The following PDE1A variants were observed in gnomAD, a reference collection of about 807,000 sequenced individuals.
PDE1A encodes phosphodiesterase 1A.
PDE1A carries 35 observed loss-of-function variants against 61.7 expected under a neutral mutation model. The ratio of observed to expected loss-of-function variants is 0.57; its 90% CI spans 0.43 to 0.75. The LOEUF (loss-of-function observed/expected upper bound fraction) is 0.75. Among genes scored for constraint, PDE1A ranks in the 30% least tolerant of loss-of-function variants. The pLI, the probability that PDE1A is intolerant of heterozygous loss-of-function variation, is 0.00. For synonymous variants in PDE1A, 232 were observed against 213.2 expected, an observed-to-expected ratio of 1.09 and a Z score of -0.77; for missense variants, 597 against 630.6, an observed-to-expected ratio of 0.95 and a Z score of 0.57.
At chr2:182,345,382 T>G (rs1050121073) in intron 1 of PDE1A, among the ~76,000 whole-genome samples, 4 of 152,232 alleles carry the variant, frequency 2.6e-5, no homozygotes, top group African/African-American at 9.6e-5. Context: ...ACACAATTTC[T>G]TGCCTATAGT....
At chr2:182,382,304 G>A (rs532457754) in intron 1 of PDE1A, among the ~76,000 whole-genome samples, 23 of 152,298 alleles carry the variant, frequency 1.5e-4, no homozygotes, top group Admixed American at 9.1e-4. Flanking sequence ...GCTAGAGAAC[G>A]TTTTGACAAA....
chr2:182,601,536 T>G, the PDE1A span, among the ~76,000 whole-genome samples: 1 of 152,198 alleles, frequency 6.6e-6, no homozygotes, highest in Non-Finnish European at 1.5e-5. Context: ...TGCCATTTGG[T>G]GGGCCCCAAG....
downstream of PDE1A, among the ~76,000 whole-genome samples, chr2:182,145,083 C>G (rs1403872067): frequency 6.6e-6 from 1 of 152,142 alleles, no homozygotes; most frequent in Non-Finnish European, 1.5e-5. Context: ...TTTAAAAGAC[C>G]TACTTGTTTT....
At chr2:182,399,444 C>G (rs1263573800) in intron 1 of PDE1A, among the ~76,000 whole-genome samples, 1 of 151,938 alleles carries the variant, frequency 6.6e-6, no homozygotes, top group Non-Finnish European at 1.5e-5. Context: ...TTAATACATT[C>G]TACATCATGA....
At chr2:182,625,257 T>C in the PDE1A span, among the ~76,000 whole-genome samples, 2 of 152,344 alleles carry the variant, frequency 1.3e-5, no homozygotes, top group East Asian at 1.9e-4. Context: ...ATCCATTCTA[T>C]GGTATTTTGT....
At chr2:182,527,341 T>C (rs1172137095), upstream of PDE1A, among the ~76,000 whole-genome samples, 1 of 8,512 alleles carries the variant, frequency 1.2e-4, no homozygotes, top group African/African-American at 5.7e-4. Flanking sequence ...TATATATATA[T>C]ATATATATAT....
the PDE1A span, among the ~76,000 whole-genome samples, chr2:182,663,975 C>T: frequency 5.4e-3 from 824 of 152,016 alleles, 6 homozygotes; most frequent in Non-Finnish European, 8.7e-3. Flanking sequence ...TATCTGAAAC[C>T]CTTTTATATA....
chr2:182,470,552 T>A (rs1686961377), intron 2 of PDE1A, among the ~76,000 whole-genome samples: 1 of 151,844 alleles, frequency 6.6e-6, no homozygotes, highest in East Asian at 1.9e-4. Flanking sequence ...TCAATAAAGA[T>A]ATGATAACAC....
chr2:182,529,781 C>G, the PDE1A span, among the ~76,000 whole-genome samples: 1 of 152,144 alleles, frequency 6.6e-6, no homozygotes, highest in Non-Finnish European at 1.5e-5. Flanking sequence ...GTTTTATAAG[C>G]CTTTCACTTG....
chr2:182,410,305 T>G (rs941156539), intron 1 of PDE1A, among the ~76,000 whole-genome samples: 1 of 152,142 alleles, frequency 6.6e-6, no homozygotes, highest in African/African-American at 2.4e-5. Flanking sequence ...AAGTCAAGGT[T>G]GTAATGAGTC....
At chr2:182,158,943 C>T (rs1256563007) in intron 13 of PDE1A, among the ~76,000 whole-genome samples, 1 of 152,022 alleles carries the variant, frequency 6.6e-6, no homozygotes, top group Non-Finnish European at 1.5e-5. Context: ...ACATTTTTTG[C>T]ATAATTACTG....
At chr2:182,509,667 C>A (rs938950415) in intron 2 of PDE1A, among the ~76,000 whole-genome samples, 1 of 152,144 alleles carries the variant, frequency 6.6e-6, no homozygotes, top group Non-Finnish European at 1.5e-5. Flanking sequence ...AAAGTAAAAT[C>A]TTTCAGAAAG....
At chr2:182,365,882 G>A (rs928920779) in intron 1 of PDE1A, among the ~76,000 whole-genome samples, 2 of 151,998 alleles carry the variant, frequency 1.3e-5, no homozygotes, top group Non-Finnish European at 2.9e-5. Context: ...AAAGGGCTTT[G>A]TACCCCACAA....
chr2:182,160,096 A>G (rs1242408362), intron 13 of PDE1A, among the ~76,000 whole-genome samples: 1 of 152,232 alleles, frequency 6.6e-6, no homozygotes, highest in Non-Finnish European at 1.5e-5. Flanking sequence ...GAAACACAAA[A>G]AAGATTAAAT....
the PDE1A span, among the ~76,000 whole-genome samples, chr2:182,628,670 GTTT>G: frequency 6.6e-6 from 1 of 150,964 alleles, no homozygotes; most frequent in East Asian, 1.9e-4. Flanking sequence ...CTTAATGTCT[GTTT>G]TTTTTTAATT....
intron 13 of PDE1A, among the ~76,000 whole-genome samples, chr2:182,155,358 G>A (rs1691020291): frequency 6.6e-6 from 1 of 151,988 alleles, no homozygotes; most frequent in Non-Finnish European, 1.5e-5. Context: ...AGTAGTGTTG[G>A]GATTACGGGC....
chr2:182,367,439 T>C (rs181453248), intron 1 of PDE1A, among the ~76,000 whole-genome samples: 3 of 152,096 alleles, frequency 2.0e-5, no homozygotes, highest in East Asian at 3.9e-4. Context: ...CAAACCAGCA[T>C]TAAAAACTTA....
Position 182,494,087 on chromosome 2 carries a change from C to T in PDE1A, c.101+28189G>A, listed in dbSNP as rs529428694. On this transcript the variant is annotated intron_variant, in intron 2 of 14. Transcript: ENST00000410103. ...TTCAGAAATGTACATTCAAAACAATCGAGGTAGGCTTTAAAGGAGCATTCA... is the reference window on the plus strand; with the variant it reads ...TTCAGAAATGTACATTCAAAACAATTGAGGTAGGCTTTAAAGGAGCATTCA... Among the ~76,000 whole-genome samples, 115 of 152,300 alleles carry T rather than the reference C, an allele frequency of 7.6e-4. 1 individual carries two copies. Among genetic ancestry groups the T allele is most frequent in the Non-Finnish European group, 1.4e-3 (92 of 68,024 alleles).
the PDE1A span, among the ~76,000 whole-genome samples, chr2:182,705,199 G>C: frequency 6.6e-6 from 1 of 152,172 alleles, no homozygotes; most frequent in South Asian, 2.1e-4. Flanking sequence ...ATGATGTGGA[G>C]TTTTTCTCCC....
Sources: allele counts gnomAD v4.1 joint callset (sites outside exome capture counted in the v4.1 genomes callset), GRCh38; gene constraint gnomAD v4.1.1; transcripts MANE v1.5; gene names NCBI Gene and HGNC (gene_info 2026-07-23, HGNC 2026-07-21).